The following POP1 variants were observed in gnomAD, a reference collection of about 807,000 sequenced individuals.
POP1 encodes POP1 ribonuclease P/MRP subunit, also known as ribonucleases P/MRP protein subunit POP1.
POP1 carries 75 observed loss-of-function variants against 102.2 expected under a neutral mutation model. The observed-to-expected ratio is 0.73, with a 90% confidence interval of 0.61 to 0.89. The LOEUF (loss-of-function observed/expected upper bound fraction) is 0.89. Ranked by LOEUF, POP1 falls within the 40% of genes least tolerant of loss-of-function variation. The pLI, the probability that POP1 is intolerant of heterozygous loss-of-function variation, is 0.00. For synonymous variants in POP1, 436 were observed against 464.1 expected, an observed-to-expected ratio of 0.94 and a Z score of 0.78; for missense variants, 1,116 against 1,267.4, an observed-to-expected ratio of 0.88 and a Z score of 1.81.
chr8:98,150,743 C>G (rs1809493857), intron 14 of POP1, 104 bp downstream of exon 14: 2 of 1,073,804 alleles, frequency 1.9e-6, no homozygotes, highest in Admixed American at 4.0e-5. Flanking sequence ...ATTTCATAGA[C>G]TTTTCAGTGA....
intron 2 of POP1, 136 bp from the exon 3 acceptor site, chr8:98,127,459 A>T: frequency 9.9e-7 from 1 of 1,014,444 alleles, no homozygotes; most frequent in Non-Finnish European, 1.5e-6. Flanking sequence ...CTTTAAAAAT[A>T]AGTAGTAATA....
Position 98,133,984 on chromosome 8 carries a change from CA to C in POP1, c.774del (p.Glu259ArgfsTer5), listed in dbSNP as rs1429157599. ...ATTACTGTTGTTTGGAGTTGAAAGG[CA>C]AAGAGGAAGAAATACTAAAGGCGCT... is the stretch of plus-strand genomic sequence containing the variant. ...SYYCCLELKGKEEEILKALSG... is the reference protein window; with the variant it reads ...SYYCCLELKGXEEEILKALSG... On this transcript the variant is annotated frameshift_variant, in exon 6 of 16. Transcript: ENST00000401707. LOFTEE classifies it high-confidence loss of function. 2.5e-6 allele frequency: 4 copies of C among 1,613,474 alleles called. No individual in the cohort carries two copies. The highest frequency in any genetic ancestry group is 3.4e-6 in the Non-Finnish European group (4 of 1,179,600).
rs747984872 is a variant in POP1 at position 98,153,533 on chromosome 8, CTTTTTTT to C, written c.2058-2500_2058-2494del. Among the ~76,000 whole-genome samples, 8 of 85,506 alleles carry C rather than the reference CTTTTTTT, an allele frequency of 9.4e-5. 1 individual carries two copies. Among genetic ancestry groups the C allele is most frequent in the African/African-American group, 1.9e-4 (4 of 20,930 alleles). 56.1% of individuals were successfully genotyped at this position (85,506 alleles called of 152,430 possible). The stretch of plus-strand genomic sequence containing the variant: ...ACTAGATTTACAAACAGTTCTGACT[CTTTTTTT>C]TTTTTTTTTTTTTTTTGAGACAGAG... On this transcript the variant is annotated intron_variant, in intron 14 of 15. Transcript: ENST00000401707.
At chr8:98,121,511 G>A (rs1816019124) in intron 1 of POP1, among the ~76,000 whole-genome samples, 1 of 138,936 alleles carries the variant, frequency 7.2e-6, no homozygotes, top group South Asian at 2.3e-4. Context: ...TGGTTACACG[G>A]GTTTTTTTTT....
intron 7 of POP1, 138 bp from the exon 8 acceptor site, chr8:98,136,343 TG>T: frequency 1.1e-6 from 1 of 882,520 alleles, no homozygotes; most frequent in Non-Finnish European, 1.7e-6. Flanking sequence ...CCCAAAGTGC[TG>T]GGATTACAGG....
chr8:98,140,271 T>A, intron 10 of POP1, 82 bp downstream of exon 10: 1 of 1,047,742 alleles, frequency 9.5e-7, no homozygotes, highest in Non-Finnish European at 1.5e-6. Flanking sequence ...CAACATGTAG[T>A]ATTGCTTTTT....
intron 1 of POP1, among the ~76,000 whole-genome samples, chr8:98,119,378 C>G (rs1281771981): frequency 2.6e-4 from 40 of 152,162 alleles, no homozygotes; most frequent in Non-Finnish European, 4.4e-5. Context: ...AGTTAGTTCC[C>G]AGGTTCTCAA....
chr8:98,134,441 A>T (rs7820386), intron 6 of POP1, 31 bp from the exon 7 acceptor site: 22 of 1,611,798 alleles, frequency 1.4e-5, no homozygotes, highest in Non-Finnish European at 1.9e-5. Flanking sequence ...CAACACCCGG[A>T]ATTATGGAAT....
In POP1 at chr8:98,159,785, C is replaced by G. The variant is rs2130642506; in HGVS notation, c.*1514C>G. 1 of 147,402 alleles carries G rather than the reference C, an allele frequency of 6.8e-6. No individual in the cohort carries two copies. The highest frequency in any genetic ancestry group is 2.1e-4 in the South Asian group (1 of 4,654). 9.1% of individuals were successfully genotyped at this position (147,402 alleles called of 1,614,324 possible). ...CCAGATGAGACTGAAAAAAAAAAAA[C>G]AGTGTAACTAAGTGGCATCTGTAAA... On this transcript the variant is annotated 3_prime_UTR_variant, in exon 16 of 16. Coordinates refer to ENST00000401707, the MANE Select transcript of POP1 (RefSeq NM_001145860.2).
chr8:98,121,133 C>G (rs555625353), intron 1 of POP1, among the ~76,000 whole-genome samples: 16 of 152,252 alleles, frequency 1.1e-4, no homozygotes, highest in African/African-American at 3.9e-4. Flanking sequence ...GAGGCTGAGG[C>G]TGAAAGTGAG....
Position 98,128,557 on chromosome 8 carries a change from G to C in POP1, c.486+17G>C, listed in dbSNP as rs1256189518. 8 of 1,612,584 alleles carry C rather than the reference G, an allele frequency of 5.0e-6. No individual in the cohort carries two copies. The highest frequency in any genetic ancestry group is 6.8e-6 in the Non-Finnish European group (8 of 1,178,850). ...CAGAAAGAGGTAGGAGTTCCACTTA[G>C]TGTAAATGTTTAGATTAGTAGCTCC... On this transcript the variant is annotated intron_variant, in intron 4 of 15. Coordinates refer to ENST00000401707, the MANE Select transcript of POP1 (RefSeq NM_001145860.2).
chr8:98,134,620 C>T lies in POP1; in HGVS notation c.972C>T (p.Ser324=). 2 of 1,614,070 alleles carry T rather than the reference C, an allele frequency of 1.2e-6. No individual in the cohort carries two copies. Among genetic ancestry groups the T allele is most frequent in the African/African-American group, 1.3e-5 (1 of 75,060 alleles). The change falls in exon 7 of 16, where the codon AGC becomes AGT. Residue 324 remains serine, a synonymous_variant. Coordinates refer to ENST00000401707, the MANE Select transcript of POP1 (RefSeq NM_001145860.2). ...GGACCCCGGGTGACCCTTCTGAGAG[C>T]AGGCAGCTGTGGATCTGGCTGCATC... ...SQRTPGDPSE[S]RQLWIWLHPT...
At chr8:98,121,605 C>T (rs141196892) in intron 1 of POP1, among the ~76,000 whole-genome samples, 1,641 of 150,798 alleles carry the variant, frequency 0.011, 10 homozygotes, top group Middle Eastern at 0.059. Flanking sequence ...GCAACCTCCA[C>T]CTCCTGGGTT....
At chr8:98,121,125 G>T (rs1381889963) in intron 1 of POP1, among the ~76,000 whole-genome samples, 2 of 152,218 alleles carry the variant, frequency 1.3e-5, no homozygotes, top group African/African-American at 4.8e-5. Flanking sequence ...TAGAGGAAGA[G>T]GCTGAGGCTG....
intron 7 of POP1, among the ~76,000 whole-genome samples, chr8:98,135,276 G>GAA (rs749952011): frequency 7.3e-6 from 1 of 136,202 alleles, no homozygotes; most frequent in Non-Finnish European, 1.6e-5. Context: ...ACCCTGTCTC[G>GAA]AAAAAAAAAA....
intron 13 of POP1, among the ~76,000 whole-genome samples, chr8:98,149,522 C>T (rs62522199): frequency 0.13 from 19,250 of 151,684 alleles, 1,325 homozygotes; most frequent in Middle Eastern, 0.26. Context: ...TTTGGGAGAC[C>T]GAGGTGGGCA....
At position 98,156,269 on chromosome 8, in the gene POP1, G is replaced by C; in HGVS notation, c.2277G>C (p.Val759=). ...AAACTCATCAGCCATCTGATGAAGT[G>C]GGCACATCCATAGAGCACCCCAGGG... ...PKKTHQPSDE[V]GTSIEHPREA... Residue 759 remains valine, a synonymous_variant, in exon 15 of 16, where the codon GTG becomes GTC. Coordinates refer to ENST00000401707, the MANE Select transcript of POP1 (RefSeq NM_001145860.2). 1 of 1,614,124 alleles carries C rather than the reference G, an allele frequency of 6.2e-7. No homozygotes were observed. The highest frequency in any genetic ancestry group is 8.5e-7 in the Non-Finnish European group (1 of 1,180,034).
chr8:98,131,802 G>A (rs917159429), intron 5 of POP1, among the ~76,000 whole-genome samples: 5 of 152,132 alleles, frequency 3.3e-5, no homozygotes, highest in Non-Finnish European at 1.5e-5. Context: ...TTTGATCACA[G>A]TCATTCTAAT....
rs774501572 is a variant in POP1, at chr8:98,130,116, G to T, written c.625G>T (p.Ala209Ser). 1.9e-6 allele frequency: 3 copies of T among 1,614,206 alleles called. No individual in the cohort carries two copies. Among genetic ancestry groups the T allele is most frequent in the South Asian group, 1.1e-5 (1 of 91,086 alleles). The change falls in exon 5 of 16, where the codon GCC becomes TCC. Residue 209 changes from alanine (A) to serine (S), a missense_variant. Physicochemically the swap from Ala to Ser is moderately conservative, Grantham distance 99. Coordinates refer to ENST00000401707, the MANE Select transcript of POP1 (RefSeq NM_001145860.2). ...NIWLETHIWH[A>S]KRFHMVKKWG... ...TTGGTTAGAAACTCACATCTGGCAC[G>T]CCAAGCGGTTTCATATGGTCAAGAA...
Sources: allele counts gnomAD v4.1 joint callset (sites outside exome capture counted in the v4.1 genomes callset), GRCh38; gene constraint gnomAD v4.1.1; transcripts MANE v1.5; gene names NCBI Gene and HGNC (gene_info 2026-07-23, HGNC 2026-07-21).